WDFY4: variants seen among roughly 807,000 people sequenced by gnomAD.
WDFY4 encodes WDFY family member 4.
A neutral mutation model predicts 351.9 loss-of-function variants in WDFY4; 169 were observed. The ratio of observed to expected loss-of-function variants is 0.48; its 90% confidence interval spans 0.42 to 0.55. The LOEUF is 0.55. Ranked by LOEUF, WDFY4 falls within the 20% of genes least tolerant of loss-of-function variation. WDFY4 has a pLI of 0.00. For missense variants in WDFY4, 3,803 were observed against 3,935.6 expected, an observed-to-expected ratio of 0.97 and a Z score of 0.90; for synonymous variants, 1,622 against 1,574.6, an observed-to-expected ratio of 1.03 and a Z score of -0.71.
intron 4 of WDFY4, among the ~76,000 whole-genome samples, chr10:48,722,255 G>T (rs1479817398): frequency 6.6e-6 from 1 of 152,190 alleles, no homozygotes. Context: ...TCACTGTCAG[G>T]CACAGCGACC....
chr10:48,934,170 C>T (rs1010734748), intron 47 of WDFY4, among the ~76,000 whole-genome samples: 2 of 152,264 alleles, frequency 1.3e-5, no homozygotes, highest in East Asian at 1.9e-4. Flanking sequence ...TTTCATTGGC[C>T]GGGAGTGTTG....
intron 19 of WDFY4, among the ~76,000 whole-genome samples, chr10:48,783,154 T>C (rs1291468983): frequency 6.6e-6 from 1 of 152,194 alleles, no homozygotes; most frequent in Non-Finnish European, 1.5e-5. Context: ...CCTCAGGGGA[T>C]TGGCTCCAGG....
At chr10:48,835,259 G>A (rs1327070639) in intron 39 of WDFY4, among the ~76,000 whole-genome samples, 3 of 152,186 alleles carry the variant, frequency 2.0e-5, no homozygotes, top group Admixed American at 1.3e-4. Context: ...ACAATGCAGG[G>A]TAAGGCAGGG....
At chr10:48,743,576 G>C in intron 12 of WDFY4, 28 bp downstream of exon 12, 1 of 1,515,248 alleles carries the variant, frequency 6.6e-7, no homozygotes, top group African/African-American at 1.4e-5. Flanking sequence ...TGTGTCATCA[G>C]TGCATCTCTG....
chr10:48,935,654 C>T (rs1840312399), intron 47 of WDFY4, among the ~76,000 whole-genome samples: 2 of 152,138 alleles, frequency 1.3e-5, no homozygotes, highest in Admixed American at 1.3e-4. Flanking sequence ...TTATTTGTTA[C>T]TCTTTTGTTT....
chr10:48,687,668 G>A (rs1289343784), intron 1 of WDFY4, among the ~76,000 whole-genome samples: 5 of 140,190 alleles, frequency 3.6e-5, no homozygotes, highest in African/African-American at 1.3e-4. Context: ...AGGCTGGAGT[G>A]CAATGGCATG....
At chr10:48,923,496 G>GTATTTATATATATA (rs1839280373) in intron 47 of WDFY4, among the ~76,000 whole-genome samples, 1 of 63,208 alleles carries the variant, frequency 1.6e-5, no homozygotes, top group African/African-American at 3.5e-5. Context: ...ATAGTTTTTA[G>GTATTTATATATATA]TATATATATA....
rs1034858262 is a variant in WDFY4, at chr10:48,914,297, T to C, written c.7586+12434T>C. The C allele has an allele frequency of 1.7e-5, 15 of 883,258 alleles. No homozygotes were observed. In the South Asian group the frequency reaches 2.7e-4, roughly 16 times the overall value. 54.7% of individuals were successfully genotyped at this position (883,258 alleles called of 1,614,324 possible). A position where few individuals can be genotyped will look rare whatever the true frequency, so the allele number is the denominator to read the frequency against. On this transcript the variant is annotated intron_variant, in intron 47 of 61. Transcript: ENST00000325239. Reference sequence around the variant, plus strand: ...GAGGGCACTGGGCTCCCCCACGTCATGACGCTTTGCTCTTCAGTGGTTTAA... The same window carrying C: ...GAGGGCACTGGGCTCCCCCACGTCACGACGCTTTGCTCTTCAGTGGTTTAA...
intron 11 of WDFY4, among the ~76,000 whole-genome samples, chr10:48,742,719 T>C (rs761805220): frequency 2.0e-5 from 3 of 152,172 alleles, no homozygotes; most frequent in African/African-American, 7.2e-5. Context: ...TGGAAGGATA[T>C]GCATTCATGT....
At position 48,735,881 on chromosome 10, in the gene WDFY4, T is replaced by C. The variant is rs2064644997; in HGVS notation, c.1689T>C (p.Val563=). The C allele has an allele frequency of 3.2e-6, 5 of 1,551,472 alleles. No homozygotes were observed. In the East Asian group the frequency reaches 1.2e-4, roughly 38 times the overall value. Residue 563 remains valine (V), a splice_region_variant and synonymous_variant, in exon 11 of 62, where the codon GTT becomes GTC. Coordinates refer to ENST00000325239, the MANE Select transcript of WDFY4 (RefSeq NM_001394531.1). ...CCATTCTGTCTGTCTGATCCTTAGT[T>C]GTCCTGAAGGACCACGGCATGGTGC... ...TLLKGSVRNA[V]VLKDHGMVPF... is the part of the protein sequence containing the mutation.
At chr10:48,921,380 C>T (rs187346238) in intron 47 of WDFY4, among the ~76,000 whole-genome samples, 100 of 152,214 alleles carry the variant, frequency 6.6e-4, no homozygotes, top group African/African-American at 2.3e-3. Context: ...AGAAAATGAA[C>T]TCTTTAACAA....
At chr10:48,776,563 G>A (rs927841169) in intron 15 of WDFY4, among the ~76,000 whole-genome samples, 187 bp from the exon 16 acceptor site, 2 of 152,208 alleles carry the variant, frequency 1.3e-5, no homozygotes, top group African/African-American at 4.8e-5. Flanking sequence ...ACCATTCCTT[G>A]TTATCAGACT....
intron 2 of WDFY4, among the ~76,000 whole-genome samples, chr10:48,714,227 G>C (rs922018663): frequency 1.3e-5 from 2 of 152,352 alleles, no homozygotes; most frequent in African/African-American, 4.8e-5. Flanking sequence ...TCCTTGCTCA[G>C]TGCTGGGGTT....
intron 13 of WDFY4, among the ~76,000 whole-genome samples, chr10:48,770,411 A>C (rs776203134): frequency 6.6e-6 from 1 of 152,228 alleles, no homozygotes; most frequent in Non-Finnish European, 1.5e-5. Context: ...GAAATCATAG[A>C]CATTTCTTTT....
Position 48,822,441 on chromosome 10 carries a change from C to T in WDFY4, c.5886C>T (p.Ser1962=). The T allele has an allele frequency of 6.4e-7, 1 of 1,551,590 alleles. No individual in the cohort carries two copies. The highest frequency in any genetic ancestry group is 8.7e-7 in the Non-Finnish European group (1 of 1,146,764). ...CTGCCCCTTCTCTTGCCAACATCTC[C>T]TGCTTCACCCAGAAGCTGGTGGAGA... ...AAAAPSLANI[S]CFTQKLVEKL... is the part of the protein sequence containing the mutation. The change falls in exon 35 of 62, where the codon TCC becomes TCT. Residue 1962 remains serine, a synonymous_variant. Transcript: ENST00000325239.
intron 2 of WDFY4, among the ~76,000 whole-genome samples, chr10:48,711,290 A>G (rs550347781): frequency 1.8e-4 from 27 of 152,332 alleles, no homozygotes; most frequent in Non-Finnish European, 3.1e-4. Flanking sequence ...AGTCCCATTC[A>G]TCTCATTTCA....
intron 39 of WDFY4, among the ~76,000 whole-genome samples, chr10:48,852,082 A>G (rs1388864174): frequency 7.2e-5 from 11 of 152,236 alleles, no homozygotes; most frequent in Non-Finnish European, 1.5e-5. Flanking sequence ...TTGATGTGCT[A>G]CATTCACTGC....
intron 9 of WDFY4, among the ~76,000 whole-genome samples, chr10:48,732,895 G>A (rs1325647401): frequency 6.6e-6 from 1 of 152,224 alleles, no homozygotes; most frequent in Non-Finnish European, 1.5e-5. Flanking sequence ...ATAGGATCAG[G>A]ACTGCGAAGG....
chr10:48,827,512 C>A (rs1376433939), intron 36 of WDFY4, among the ~76,000 whole-genome samples: 4 of 145,596 alleles, frequency 2.7e-5, no homozygotes, highest in Non-Finnish European at 6.1e-5. Context: ...GAATTATGTT[C>A]ACTTTCTGTC....
Sources: gnomAD v4.1 joint callset for allele counts (sites outside exome capture counted in the v4.1 genomes callset) on GRCh38, gnomAD v4.1.1 for gene constraint, MANE v1.5 for transcripts, NCBI Gene and HGNC (gene_info 2026-07-23, HGNC 2026-07-21) for gene names.